The following VCAN variants were observed in gnomAD, a reference collection of about 807,000 sequenced individuals.
The protein encoded by VCAN is versican.
In VCAN, 44 loss-of-function variants were observed where a neutral mutation model predicts 245.5. The ratio of observed to expected loss-of-function variants is 0.18; its 90% CI spans 0.14 to 0.23. The LOEUF is 0.23. VCAN is among the 10% of genes least tolerant of loss of function. The pLI, the probability that VCAN is intolerant of heterozygous loss-of-function variation, is 1.00. For synonymous variants in VCAN, 1,413 were observed against 1,437.0 expected, an observed-to-expected ratio of 0.98 and a Z score of 0.38; for missense variants, 3,793 against 4,057.9, an observed-to-expected ratio of 0.93 and a Z score of 1.77.
In VCAN at chr5:83,537,737, T is replaced by C; in HGVS notation, c.4734T>C (p.Thr1578=). The C allele has an allele frequency of 6.2e-7, 1 of 1,613,990 alleles. No individual in the cohort carries two copies. The highest frequency in any genetic ancestry group is 1.1e-5 in the South Asian group (1 of 91,086). The stretch of plus-strand genomic sequence containing the variant: ...TTGGTGAAGAGGTAGAAAAAAGTAC[T>C]TCTGTCACATACACTCCCACTATAG... The part of the protein sequence containing the change: ...VTFGEEVEKS[T]SVTYTPTIVP... Residue 1578 remains threonine (T), a synonymous_variant, in exon 8 of 15, where the codon ACT becomes ACC. Transcript: ENST00000265077.
chr5:83,576,777 A>C (rs1748499303), intron 13 of VCAN, among the ~76,000 whole-genome samples: 1 of 152,160 alleles, frequency 6.6e-6, no homozygotes, highest in Non-Finnish European at 1.5e-5. Context: ...TGGGTATAAA[A>C]TGTAATCTCT....
At chr5:83,578,794 A>T (rs1381413078) in intron 13 of VCAN, among the ~76,000 whole-genome samples, 1 of 152,150 alleles carries the variant, frequency 6.6e-6, no homozygotes, top group Non-Finnish European at 1.5e-5. Context: ...CACTTAGGGA[A>T]AATTATATTT....
At chr5:83,473,059 T>C (rs886988678) in intron 1 of VCAN, among the ~76,000 whole-genome samples, 1 of 152,152 alleles carries the variant, frequency 6.6e-6, no homozygotes, top group Admixed American at 6.5e-5. Flanking sequence ...TTCTCCGCTC[T>C]AGTTGAGCAA....
intron 8 of VCAN, among the ~76,000 whole-genome samples, chr5:83,543,033 G>A (rs1332177884): frequency 6.6e-6 from 1 of 152,164 alleles, no homozygotes; most frequent in African/African-American, 2.4e-5. Flanking sequence ...CTTGCCCAAG[G>A]TGGCACAGCC....
intron 5 of VCAN, among the ~76,000 whole-genome samples, chr5:83,509,068 A>G (rs1186004537): frequency 1.2e-5 from 1 of 84,922 alleles, no homozygotes; most frequent in Non-Finnish European, 2.4e-5. Context: ...GAAAGAAAAG[A>G]AAGAAAGAAA....
chr5:83,543,447 A>G (rs1747081757), intron 8 of VCAN, among the ~76,000 whole-genome samples: 1 of 152,194 alleles, frequency 6.6e-6, no homozygotes, highest in East Asian at 1.9e-4. Context: ...TGATCATATC[A>G]ATATTACCTT....
chr5:83,507,692 A>T (rs1745523669), intron 5 of VCAN, among the ~76,000 whole-genome samples: 1 of 152,202 alleles, frequency 6.6e-6, no homozygotes, highest in South Asian at 2.1e-4. Context: ...TTCTATGAGC[A>T]TTCATTTTTG....
chr5:83,521,210 C>G lies in VCAN; in HGVS notation c.2904C>G (p.Asp968Glu). ...SSTQEPTTYV[D>E]SSHTIPLSVI... is the part of the protein sequence containing the mutation. ...CCCAAGAGCCTACTACTTATGTAGA[C>G]TCTTCCCATACCATTCCTCTTTCTG... Residue 968 changes from aspartate (D) to glutamate (E), a missense_variant, in exon 7 of 15, where the codon GAC becomes GAG. Physicochemically the swap from Asp to Glu is conservative, Grantham distance 45. This residue lies in a region of VCAN where 3,182 missense variants were observed against 3,250.3 expected (regional missense o/e 0.98). Coordinates refer to ENST00000265077, the MANE Select transcript of VCAN (RefSeq NM_004385.5). The G allele has an allele frequency of 6.2e-7, 1 of 1,613,692 alleles. No individual in the cohort carries two copies. Among genetic ancestry groups the G allele is most frequent in the Non-Finnish European group, 8.5e-7 (1 of 1,179,630 alleles).
At chr5:83,563,605 G>A (rs113155680) in intron 12 of VCAN, among the ~76,000 whole-genome samples, 12 of 152,104 alleles carry the variant, frequency 7.9e-5, no homozygotes, top group African/African-American at 2.7e-4. Context: ...CTGTCCTCTT[G>A]GGAAAGTGTT....
chr5:83,541,264 A>G lies in VCAN; in HGVS notation c.8261A>G (p.Lys2754Arg), dbSNP rs2112449417. Residue 2754 changes from lysine (K) to arginine (R), a missense_variant, in exon 8 of 15, where the codon AAA becomes AGA. Physicochemically the swap from Lys to Arg is conservative, Grantham distance 26 (BLOSUM62 2). Coordinates refer to ENST00000265077, the MANE Select transcript of VCAN (RefSeq NM_004385.5). ...FERTQEEYED[K>R]KHAGPSFQPE... is the part of the protein sequence containing the mutation. ...AGGACTCAGGAGGAGTATGAAGACA[A>G]AAAACATGCTGGTCCTTCTTTTCAG... 6.2e-7 allele frequency: 1 copy of G among 1,614,002 alleles called. No homozygotes were observed.
chr5:83,511,114 C>T (rs1295891269), intron 5 of VCAN, among the ~76,000 whole-genome samples: 1 of 151,502 alleles, frequency 6.6e-6, no homozygotes, highest in Admixed American at 6.6e-5. Flanking sequence ...CATCTGGGGC[C>T]CGAGTGAGTG....
intron 1 of VCAN, 113 bp from the exon 2 acceptor site, chr5:83,483,400 A>G: frequency 1.2e-6 from 1 of 826,438 alleles, no homozygotes; most frequent in Non-Finnish European, 2.0e-6. Context: ...TACTCTTATT[A>G]CTTAATGCTT....
intron 5 of VCAN, among the ~76,000 whole-genome samples, chr5:83,494,442 A>G (rs1297204301): frequency 1.3e-5 from 2 of 152,202 alleles, no homozygotes; most frequent in Non-Finnish European, 2.9e-5. Flanking sequence ...ACGTTAAACC[A>G]GTTAACACAT....
chr5:83,527,243 G>A (rs980286816), intron 7 of VCAN, among the ~76,000 whole-genome samples: 1 of 152,208 alleles, frequency 6.6e-6, no homozygotes, highest in Admixed American at 6.5e-5. Flanking sequence ...AGCAAGGAAA[G>A]AGTGTGCTGA....
rs1262639975 is a variant in VCAN at position 83,539,434 on chromosome 5, C to T, written c.6431C>T (p.Thr2144Ile). 1 of 1,613,580 alleles carries T rather than the reference C, an allele frequency of 6.2e-7. No individual in the cohort carries two copies. The highest frequency in any genetic ancestry group is 8.5e-7 in the Non-Finnish European group (1 of 1,179,818). ...ATEQTIFDSQ[T>I]FTETELKTTD... is the part of the protein sequence containing the mutation. ...GAACAAACAATCTTTGATTCACAGA[C>T]ATTTACTGAAACTGAACTCAAAACC... The change falls in exon 8 of 15, where the codon ACA becomes ATA. Residue 2144 changes from threonine (T) to isoleucine (I), a missense_variant. Thr to Ile is a moderately conservative substitution (Grantham distance 89). This residue lies in a region of VCAN where 3,182 missense variants were observed against 3,250.3 expected (regional missense o/e 0.98). Transcript: ENST00000265077.
intron 7 of VCAN, among the ~76,000 whole-genome samples, chr5:83,525,593 C>CT (rs1424828200): frequency 6.6e-6 from 1 of 152,014 alleles, no homozygotes; most frequent in African/African-American, 2.4e-5. Context: ...AGCTTATTAC[C>CT]TTTTTTAACA....
At chr5:83,577,454 T>C (rs949422544) in intron 13 of VCAN, among the ~76,000 whole-genome samples, 23 of 152,036 alleles carry the variant, frequency 1.5e-4, no homozygotes, top group African/African-American at 5.1e-4. Context: ...GTCTGAGGAG[T>C]TGCCCTCCCT....
At chr5:83,518,621 G>C in intron 6 of VCAN, among the ~76,000 whole-genome samples, 1 of 152,272 alleles carries the variant, frequency 6.6e-6, no homozygotes, top group Middle Eastern at 3.4e-3. Context: ...AACAAATGCC[G>C]ACTAGCCTCT....
At chr5:83,478,835 T>C (rs945917725) in intron 1 of VCAN, among the ~76,000 whole-genome samples, 2 of 152,176 alleles carry the variant, frequency 1.3e-5, no homozygotes, top group African/African-American at 4.8e-5. Context: ...TGTTGGAACT[T>C]TTACTATGGT....
Sources: gnomAD v4.1 joint callset for allele counts (sites outside exome capture counted in the v4.1 genomes callset) on GRCh38, gnomAD v4.1.1 for gene constraint, gnomAD v4.1.1 regional missense constraint, MANE v1.5 for transcripts, NCBI Gene and HGNC (gene_info 2026-07-23, HGNC 2026-07-21) for gene names.